The following TAS1R1 variants were observed in gnomAD, a reference collection of about 807,000 sequenced individuals.
TAS1R1 encodes the protein taste 1 receptor member 1, also known as taste receptor type 1 member 1.
In TAS1R1, 31 loss-of-function variants were observed where a neutral mutation model predicts 45.8. The ratio of observed to expected loss-of-function variants is 0.68; its 90% CI spans 0.51 to 0.91. TAS1R1 has a LOEUF of 0.91. Ranked by LOEUF, TAS1R1 falls within the 40% of genes least tolerant of loss-of-function variation. The pLI, the probability that TAS1R1 is intolerant of heterozygous loss-of-function variation, is 0.00. For synonymous variants in TAS1R1, 437 were observed against 448.4 expected, an observed-to-expected ratio of 0.97 and a Z score of 0.32; for missense variants, 1,051 against 1,063.9, an observed-to-expected ratio of 0.99 and a Z score of 0.17.
Position 6,555,476 on chromosome 1 carries a change from C to T in TAS1R1, c.103C>T (p.Pro35Ser). 6.3e-7 allele frequency: 1 copy of T among 1,595,048 alleles called. No individual in the cohort carries two copies. Among genetic ancestry groups the T allele is most frequent in the Non-Finnish European group, 8.5e-7 (1 of 1,170,788 alleles). ...STESSPDFTL[P>S]GDYLLAGLFP... The stretch of plus-strand genomic sequence containing the variant: ...GGAGTCTTCTCCTGACTTCACCCTC[C>T]CCGGAGATTACCTCCTGGCAGGCCT... The change falls in exon 1 of 6, where the codon CCC becomes TCC. Residue 35 changes from proline to serine, a missense_variant. Physicochemically the swap from Pro to Ser is moderately conservative, Grantham distance 74. Transcript: ENST00000333172.
chr1:6,555,440 T>A lies in TAS1R1; in HGVS notation c.67T>A (p.Cys23Ser). ...LLISCCWAFACHSTESSPDFT... is the reference protein window; with the variant it reads ...LLISCCWAFASHSTESSPDFT... Reference sequence around the variant, plus strand: ...CATTTCCTGCTGCTGGGCCTTTGCCTGCCATAGCACGGAGTCTTCTCCTGA... The same window carrying A: ...CATTTCCTGCTGCTGGGCCTTTGCCAGCCATAGCACGGAGTCTTCTCCTGA... The change falls in exon 1 of 6, where the codon TGC becomes AGC. Residue 23 changes from cysteine (C) to serine (S), a missense_variant. By Grantham distance (112) the Cys-to-Ser change is moderately radical (BLOSUM62 -1). Coordinates refer to ENST00000333172, the MANE Select transcript of TAS1R1 (RefSeq NM_138697.4). 6.2e-7 allele frequency: 1 copy of A among 1,608,236 alleles called. No individual in the cohort carries two copies. Among genetic ancestry groups the A allele is most frequent in the Non-Finnish European group, 8.5e-7 (1 of 1,177,612 alleles).
rs1383894209 is a variant in TAS1R1 at position 6,579,385 on chromosome 1, T to C, written c.2327T>C (p.Phe776Ser). 5 of 1,613,844 alleles carry C rather than the reference T, an allele frequency of 3.1e-6. No individual in the cohort carries two copies. The highest frequency in any genetic ancestry group is 4.2e-6 in the Non-Finnish European group (5 of 1,180,056). The change falls in exon 6 of 6, where the codon TTC becomes TCC. Residue 776 changes from phenylalanine to serine, a missense_variant. Transcript: ENST00000333172. Reference protein sequence around the residue: ...LLFNFVSWIAFFTTASVYDGK... With the variant: ...LLFNFVSWIASFTTASVYDGK... Reference sequence around the variant, plus strand: ...TTCAACTTCGTGTCCTGGATCGCCTTCTTCACCACGGCCAGCGTCTACGAC... The same window carrying C: ...TTCAACTTCGTGTCCTGGATCGCCTCCTTCACCACGGCCAGCGTCTACGAC...
intron 2 of TAS1R1, among the ~76,000 whole-genome samples, chr1:6,572,759 G>A (rs371494109): frequency 1.1e-4 from 16 of 152,144 alleles, no homozygotes; most frequent in East Asian, 7.7e-4. Context: ...CTGTGGGCTC[G>A]TGGTTTAACC....
intron 1 of TAS1R1, among the ~76,000 whole-genome samples, chr1:6,562,982 G>A (rs1261266315): frequency 6.6e-6 from 1 of 152,222 alleles, no homozygotes; most frequent in Admixed American, 6.5e-5. Context: ...TCCCACTGGA[G>A]CAAGAATCGT....
Position 6,574,727 on chromosome 1 carries a change from A to ATGG in TAS1R1, c.598_600dup (p.Val200dup). ...CAATGACAAGTACCAGGTGGAGACCATGGTGCTGCTGCTGCAGAAGTTCGG... is the reference window on the plus strand; with the variant it reads ...CAATGACAAGTACCAGGTGGAGACCATGGTGGTGCTGCTGCTGCAGAAGTTCGG... On this transcript the variant is annotated inframe_insertion, in exon 3 of 6. Transcript: ENST00000333172. This position sits in a 1 kb window ranked among gnomAD's most constrained non-coding sequence, Gnocchi z 4.3. 1.2e-6 allele frequency: 2 copies of ATGG among 1,614,246 alleles called. No individual in the cohort carries two copies. Among genetic ancestry groups the ATGG allele is most frequent in the Non-Finnish European group, 8.5e-7 (1 of 1,180,048 alleles).
Position 6,575,045 on chromosome 1 carries a change from C to T in TAS1R1, c.913C>T (p.Leu305Phe), listed in dbSNP as rs1471373453. The change falls in exon 3 of 6, where the codon CTC (leucine) becomes TTC (phenylalanine). Residue 305 changes from leucine to phenylalanine, a missense_variant. By Grantham distance (22) the Leu-to-Phe change is conservative. Transcript: ENST00000333172. ...GTGGGTCGCCTCAGAAGCCTGGGCC[C>T]TCTCCAGGCACATCACTGGGGTGCC... ...KVWVASEAWA[L>F]SRHITGVPGI... is the part of the protein sequence containing the mutation. The T allele has an allele frequency of 6.3e-7, 1 of 1,586,070 alleles. No individual in the cohort carries two copies. The highest frequency in any genetic ancestry group is 8.6e-7 in the Non-Finnish European group (1 of 1,164,618).
rs1639661171 is a variant in TAS1R1 at position 6,555,569 on chromosome 1, G to A, written c.191+5G>A. 1.9e-6 allele frequency: 3 copies of A among 1,543,306 alleles called. No individual in the cohort carries two copies. The highest frequency in any genetic ancestry group is 4.9e-5 in the East Asian group (2 of 40,684). ...CGAGGTGACCCTGTGTGACAGGTGA[G>A]TGAGGGGCCAGCAGAGCCACACTTA... On this transcript the variant is annotated splice_donor_5th_base_variant and intron_variant, in intron 1 of 5. Coordinates refer to ENST00000333172, the MANE Select transcript of TAS1R1 (RefSeq NM_138697.4).
intron 4 of TAS1R1, 55 bp downstream of exon 4, chr1:6,576,682 TG>T: frequency 6.3e-7 from 1 of 1,586,162 alleles, no homozygotes; most frequent in South Asian, 1.1e-5. Flanking sequence ...ACCTAGAGCC[TG>T]GGGGTGATGC....
chr1:6,565,281 C>T (rs1205707820), intron 1 of TAS1R1, among the ~76,000 whole-genome samples: 2 of 151,100 alleles, frequency 1.3e-5, no homozygotes, highest in African/African-American at 2.4e-5. Flanking sequence ...TGGTTGGATG[C>T]GGGATGGAGA....
intron 1 of TAS1R1, among the ~76,000 whole-genome samples, chr1:6,570,020 AGGGG>A (rs59297310): frequency 1.5e-5 from 2 of 136,414 alleles, no homozygotes; most frequent in African/African-American, 2.9e-5. Flanking sequence ...GGAGGGAGGG[AGGGG>A]GAGAGAGAGA....
intron 1 of TAS1R1, among the ~76,000 whole-genome samples, chr1:6,566,024 C>T (rs1265928541): frequency 1.3e-5 from 2 of 152,084 alleles, no homozygotes; most frequent in African/African-American, 4.8e-5. Context: ...GGGGAGACCC[C>T]ATATGCTTTG....
intron 1 of TAS1R1, among the ~76,000 whole-genome samples, chr1:6,563,440 G>A (rs183362385): frequency 4.6e-5 from 7 of 152,314 alleles, no homozygotes; most frequent in Non-Finnish European, 8.8e-5. Flanking sequence ...ACTATGCGCC[G>A]TGTCAGAGTG....
chr1:6,566,773 G>T (rs958482302), intron 1 of TAS1R1, among the ~76,000 whole-genome samples: 5 of 152,260 alleles, frequency 3.3e-5, no homozygotes, highest in Admixed American at 1.3e-4. Flanking sequence ...TTTTTTGTAT[G>T]TTTAGTAGAG....
intron 1 of TAS1R1, among the ~76,000 whole-genome samples, chr1:6,560,635 T>TTAA (rs1639766082): frequency 6.6e-6 from 1 of 152,160 alleles, no homozygotes; most frequent in Non-Finnish European, 1.5e-5. Context: ...ATTCCATCCT[T>TTAA]TAATAGGTAA....
Position 6,577,560 on chromosome 1 carries a change from C to T in TAS1R1, c.1594+490C>T, listed in dbSNP as rs568619215. Among the ~76,000 whole-genome samples the T allele has an allele frequency of 1.2e-3, 186 of 150,506 alleles. 1 individual carries two copies. Among genetic ancestry groups the T allele is most frequent in the Non-Finnish European group, 2.2e-3 (148 of 67,782 alleles). ...AGAAAGGAGGCCGGGCGCGGTGGCT[C>T]ACACCTGTAATCCCAGCACTTTGGG... is the stretch of plus-strand genomic sequence containing the variant. On this transcript the variant is annotated intron_variant, in intron 5 of 5. Transcript: ENST00000333172.
chr1:6,571,055 A>G lies in TAS1R1; in HGVS notation c.338A>G (p.Tyr113Cys), dbSNP rs1265125348. 1.1e-5 allele frequency: 17 copies of G among 1,614,124 alleles called. No homozygotes were observed. The highest frequency in any genetic ancestry group is 4.0e-5 in the African/African-American group (3 of 75,024). The part of the protein sequence containing the change: ...YDVCSDSANV[Y>C]ATLRVLSLPG... ...GTGTGTTCTGACTCTGCCAATGTGT[A>G]TGCCACGCTGAGAGTGCTCTCCCTG... The change falls in exon 2 of 6, where the codon TAT becomes TGT. Residue 113 changes from tyrosine (Y) to cysteine (C), a missense_variant. Tyr to Cys is a radical substitution (Grantham distance 194). Coordinates refer to ENST00000333172, the MANE Select transcript of TAS1R1 (RefSeq NM_138697.4).
At chr1:6,566,912 G>T (rs1184989695) in intron 1 of TAS1R1, among the ~76,000 whole-genome samples, 1 of 152,056 alleles carries the variant, frequency 6.6e-6, no homozygotes, top group Non-Finnish European at 1.5e-5. Flanking sequence ...GGATTTTGAT[G>T]GGGTCATGAT....
At chr1:6,576,078 C>T (rs1640165383) in intron 3 of TAS1R1, among the ~76,000 whole-genome samples, 1 of 152,216 alleles carries the variant, frequency 6.6e-6, no homozygotes, top group Non-Finnish European at 1.5e-5. Context: ...GATCCTCCTG[C>T]TTCGGCCTCC....
chr1:6,573,436 G>T (rs1379842465), intron 2 of TAS1R1, among the ~76,000 whole-genome samples: 1 of 151,960 alleles, frequency 6.6e-6, no homozygotes, highest in Non-Finnish European at 1.5e-5. Context: ...CATCCTGGGC[G>T]ACAGAGCAAG....
Sources: gnomAD v4.1 joint callset for allele counts (sites outside exome capture counted in the v4.1 genomes callset) on GRCh38, gnomAD v4.1.1 for gene constraint, Gnocchi (gnomAD v3.1) non-coding constraint, MANE v1.5 for transcripts, NCBI Gene and HGNC (gene_info 2026-07-23, HGNC 2026-07-21) for gene names.